The following C2 variants were observed in gnomAD, a reference collection of about 807,000 sequenced individuals.
The protein encoded by C2 is complement C2.
C2 carries 64 observed loss-of-function variants against 85.2 expected under a neutral mutation model. The ratio of observed to expected loss-of-function variants is 0.75; its 90% confidence interval spans 0.61 to 0.92. C2 has a LOEUF of 0.92. C2 is among the 40% of genes least tolerant of loss of function. The probability of loss-of-function intolerance (pLI) is 0.00; values close to 1 mark genes in which losing one functional copy is unlikely to be tolerated. For synonymous variants in C2, 311 were observed against 370.8 expected (o/e 0.84, Z 1.85); for missense variants, 820 against 971.6 (o/e 0.84, Z 2.07).
intron 1 of C2, chr6:31,901,222 T>C (rs758708801): frequency 6.2e-7 from 1 of 1,613,442 alleles, no homozygotes; most frequent in South Asian, 1.1e-5. Flanking sequence ...ACCGCTCCTC[T>C]GCCCGGAGCT....
upstream of C2, among the ~76,000 whole-genome samples, chr6:31,916,132 T>C (rs1402637314): frequency 6.6e-6 from 1 of 152,150 alleles, no homozygotes; most frequent in East Asian, 1.9e-4. Flanking sequence ...AAAGGGATGA[T>C]CTTAATTTTG....
At chr6:31,934,736 A>G (rs1770265906) in intron 6 of C2, 1 of 1,101,914 alleles carries the variant, frequency 9.1e-7, no homozygotes, top group Non-Finnish European at 1.1e-6. Flanking sequence ...TAGACTGGGC[A>G]TGGTGGCTAG....
rs767886405 is a variant in C2 at position 31,943,678 on chromosome 6, T to C, written c.1602T>C (p.Leu534=). 3 of 1,613,008 alleles carry C rather than the reference T, an allele frequency of 1.9e-6. No individual in the cohort carries two copies. The highest frequency in any genetic ancestry group is 4.5e-5 in the East Asian group (2 of 44,872). ...DPKSQWGKEF[L]IEKAVISPGF... ...AATCCCAGTGGGGCAAAGAATTCCTTATTGAGAAGGCGGTGATCTCCCCAG... is the reference window on the plus strand; with the variant it reads ...AATCCCAGTGGGGCAAAGAATTCCTCATTGAGAAGGCGGTGATCTCCCCAG... Residue 534 remains leucine (L), a synonymous_variant, in exon 13 of 18, where the codon CTT becomes CTC. Coordinates refer to ENST00000299367, the MANE Select transcript of C2 (RefSeq NM_000063.6). This position sits in a 1 kb window ranked among gnomAD's most constrained non-coding sequence, Gnocchi z 6.4.
chr6:31,939,326 C>A lies in C2; in HGVS notation c.1219+6C>A. ...GAAGAGGAATGACTATCTGGGTGAG[C>A]CCCTGCCACTGCCACCACATTTGTT... On this transcript the variant is annotated splice_donor_region_variant and intron_variant, in intron 9 of 17. Transcript: ENST00000299367. 1.3e-6 allele frequency: 2 copies of A among 1,599,992 alleles called. No individual in the cohort carries two copies. The highest frequency in any genetic ancestry group is 1.7e-6 in the Non-Finnish European group (2 of 1,168,920).
upstream of C2, among the ~76,000 whole-genome samples, chr6:31,919,076 CAG>C (rs1433950071): frequency 6.6e-6 from 1 of 151,748 alleles, no homozygotes; most frequent in East Asian, 1.9e-4. Flanking sequence ...ACTTAATCTG[CAG>C]AGAGATTGTA....
chr6:31,922,119 C>A lies in C2; in HGVS notation c.-100+2093C>A, dbSNP rs565241048. ...CACAGATGGTGCAGGACACCAAAAACAATCCTTGGGTAGAGACAGAGATGC... is the reference window on the plus strand; with the variant it reads ...CACAGATGGTGCAGGACACCAAAAAAAATCCTTGGGTAGAGACAGAGATGC... On this transcript the variant is annotated intron_variant, in intron 1 of 3. Transcript: ENST00000413154. The surrounding 1 kb of genome is among the most constrained non-coding windows in gnomAD (Gnocchi z 4.8). Among the ~76,000 whole-genome samples the A allele has an allele frequency of 6.6e-6, 1 of 152,148 alleles. No homozygotes were observed. Among genetic ancestry groups the A allele is most frequent in the Non-Finnish European group, 1.5e-5 (1 of 68,026 alleles).
Position 31,928,779 on chromosome 6 carries a change from C to G in C2, c.304C>G (p.Pro102Ala). ...PVSFENGIYT[P>A]RLGSYPVGGN... ...CTCCTTTGAGAATGGCATTTATACC[C>G]CACGGCTGGGGTCCTATCCCGTGGG... Residue 102 changes from proline to alanine, a missense_variant, in exon 3 of 18, where the codon CCA becomes GCA. By Grantham distance (27) the Pro-to-Ala change is conservative. Coordinates refer to ENST00000299367, the MANE Select transcript of C2 (RefSeq NM_000063.6). 1 of 1,614,222 alleles carries G rather than the reference C, an allele frequency of 6.2e-7. No homozygotes were observed. Among genetic ancestry groups the G allele is most frequent in the South Asian group, 1.1e-5 (1 of 91,088 alleles).
In C2 at chr6:31,904,044, T is replaced by A. The variant is rs564729464; in HGVS notation, c.73+2905T>A. Among the ~76,000 whole-genome samples the A allele has an allele frequency of 2.0e-5, 3 of 151,966 alleles. No individual in the cohort carries two copies. The East Asian group carries it at 5.8e-4, about 29-fold the overall frequency. On this transcript the variant is annotated intron_variant, in intron 1 of 3. Coordinates refer to the C2 transcript ENST00000452202. This position sits in a 1 kb window ranked among gnomAD's most constrained non-coding sequence, Gnocchi z 4.4. ...TTCGCAAATCATTAAAAAAATAAAATAAAAGCCCTATTCCTGTACCAAATG... is the reference window on the plus strand; with the variant it reads ...TTCGCAAATCATTAAAAAAATAAAAAAAAAGCCCTATTCCTGTACCAAATG...
At position 31,934,090 on chromosome 6, in the gene C2, A is replaced by G. The variant is rs541859915; in HGVS notation, c.716-76A>G. On this transcript the variant is annotated intron_variant, in intron 5 of 17. Coordinates refer to ENST00000299367, the MANE Select transcript of C2 (RefSeq NM_000063.6). ...CTCAGCCACTGAAAGGGAGGGAGGC[A>G]GAGAAGCTGGACCTGCTTGGCGAGA... The G allele has an allele frequency of 7.6e-6, 12 of 1,582,612 alleles. No homozygotes were observed. The African/African-American group carries it at 8.1e-5, about 11-fold the overall frequency.
rs1768998757 is a variant in C2 at position 31,921,882 on chromosome 6, TGGGTAGTG to T, written c.-100+1858_-100+1865del. ...ATTCTGGAGGTGATCGCAAGAAACA[TGGGTAGTG>T]GAGTGTGATAGAGAAGGAAGGCAGT... is the stretch of plus-strand genomic sequence containing the variant. On this transcript the variant is annotated intron_variant, in intron 1 of 3. Transcript: ENST00000413154. The surrounding 1 kb of genome is among the most constrained non-coding windows in gnomAD (Gnocchi z 4.6). Among the ~76,000 whole-genome samples, 1 of 151,850 alleles carries T rather than the reference TGGGTAGTG, an allele frequency of 6.6e-6. No homozygotes were observed. The highest frequency in any genetic ancestry group is 1.5e-5 in the Non-Finnish European group (1 of 67,950).
intron 8 of C2, among the ~76,000 whole-genome samples, chr6:31,937,909 G>T (rs1770559209): frequency 6.6e-6 from 1 of 151,970 alleles, no homozygotes; most frequent in Admixed American, 6.5e-5. Flanking sequence ...GGAGGCTGAG[G>T]CAGGAGAATT....
intron 8 of C2, among the ~76,000 whole-genome samples, chr6:31,938,922 G>A (rs1215022554): frequency 6.6e-6 from 1 of 152,058 alleles, no homozygotes; most frequent in African/African-American, 2.4e-5. Context: ...CAAAGTGCTG[G>A]GATTACAGGC....
At chr6:31,936,952 TGTA>T (rs9332721) in intron 7 of C2, 26,628 of 278,350 alleles carry the variant, frequency 0.096, 1,619 homozygotes, top group African/African-American at 0.19. Context: ...GGCTCATGCC[TGTA>T]GTAATCCCAG....
intron 8 of C2, 37 bp from the exon 9 acceptor site, chr6:31,939,194 T>C: frequency 6.9e-7 from 1 of 1,440,984 alleles, no homozygotes; most frequent in Non-Finnish European, 9.8e-7. Context: ...GAAATCCTGA[T>C]ATTACCTAGA....
intron 1 of C2, chr6:31,901,407 GC>G: frequency 7.7e-7 from 1 of 1,293,168 alleles, no homozygotes; most frequent in Non-Finnish European, 1.0e-6. Context: ...CCCCATTCTT[GC>G]CCAGCCCCCC....
Position 31,939,261 on chromosome 6 carries a change from C to T in C2, c.1160C>T (p.Thr387Ile). Residue 387 changes from threonine to isoleucine, a missense_variant, in exon 9 of 18, where the codon ACA (threonine) becomes ATA (isoleucine). Thr to Ile is a moderately conservative substitution (Grantham distance 89). Transcript: ENST00000299367. ...TCCAATATGGGTGGCTCTCCCAAGA[C>T]AGCTGTTGACCATATCAGAGAGATC... is the stretch of plus-strand genomic sequence containing the variant. ...GKSNMGGSPK[T>I]AVDHIREILN... The T allele has an allele frequency of 6.2e-7, 1 of 1,612,534 alleles. No homozygotes were observed. Among genetic ancestry groups the T allele is most frequent in the Non-Finnish European group, 8.5e-7 (1 of 1,179,758 alleles).
At chr6:31,942,384 C>T (rs895426485) in intron 9 of C2, among the ~76,000 whole-genome samples, 2 of 151,042 alleles carry the variant, frequency 1.3e-5, no homozygotes, top group Non-Finnish European at 2.9e-5. Context: ...GATTAGGACT[C>T]GAACACATCT....
upstream of C2, chr6:31,900,739 G>C (rs202072303): frequency 2.5e-4 from 403 of 1,595,270 alleles, no homozygotes; most frequent in Middle Eastern, 5.0e-4. The surrounding 1 kb of genome is among the most constrained non-coding windows in gnomAD (Gnocchi z 9.7). Context: ...TCAGCTCCAA[G>C]TCTTCATCCA....
chr6:31,908,003 C>A (rs112647857), intron 1 of C2, among the ~76,000 whole-genome samples: 1 of 151,612 alleles, frequency 6.6e-6, no homozygotes, highest in Non-Finnish European at 1.5e-5. Context: ...TCTGCCACCA[C>A]GCCCAGCTAA....
Sources: gnomAD v4.1 joint callset for allele counts (sites outside exome capture counted in the v4.1 genomes callset) on GRCh38, gnomAD v4.1.1 for gene constraint, Gnocchi (gnomAD v3.1) non-coding constraint, MANE v1.5 for transcripts, NCBI Gene and HGNC (gene_info 2026-07-23, HGNC 2026-07-21) for gene names.